The following SLC44A2 variants were observed in gnomAD, a reference collection of about 807,000 sequenced individuals.
The protein encoded by SLC44A2 is solute carrier family 44 member 2 (CTL2 blood group).
SLC44A2 carries 57 observed loss-of-function variants against 90.8 expected under a neutral mutation model. That is an observed-to-expected ratio of 0.63 (90% CI 0.51 to 0.78). The LOEUF (loss-of-function observed/expected upper bound fraction) is 0.78, where lower values mean the gene tolerates loss of function less well. Ranked by LOEUF, SLC44A2 falls within the 30% of genes least tolerant of loss-of-function variation. The pLI is 0.00. For missense variants in SLC44A2, 794 were observed against 919.7 expected, an observed-to-expected ratio of 0.86 and a Z score of 1.77; for synonymous variants, 355 against 360.7, an observed-to-expected ratio of 0.98 and a Z score of 0.18.
At chr19:10,634,677 GT>G in intron 10 of SLC44A2, 78 bp from the exon 11 acceptor site, 1 of 1,601,062 alleles carries the variant, frequency 6.2e-7, no homozygotes, top group Non-Finnish European at 8.6e-7. Context: ...GTTTGCTTCT[GT>G]TAAATGGGGG....
At chr19:10,642,949 G>A (rs770100315) in intron 21 of SLC44A2, 18 of 1,592,320 alleles carry the variant, frequency 1.1e-5, no homozygotes, top group Admixed American at 6.8e-5. Flanking sequence ...ACTTCATGTC[G>A]CCCGAGCTGA....
At chr19:10,602,477 C>T (rs1466412123), upstream of SLC44A2, 2 of 1,176,484 alleles carry the variant, frequency 1.7e-6, no homozygotes, top group Non-Finnish European at 2.1e-6. Context: ...GCCTCCCGCC[C>T]GCCCGGGCTG....
At chr19:10,629,421 G>C (rs905493379) in intron 4 of SLC44A2, among the ~76,000 whole-genome samples, 1 of 151,370 alleles carries the variant, frequency 6.6e-6, no homozygotes, top group African/African-American at 2.4e-5. Flanking sequence ...GGGATTACAG[G>C]CATATGCCAC....
chr19:10,642,766 T>C, intron 21 of SLC44A2: 1 of 1,196,778 alleles, frequency 8.4e-7, no homozygotes, highest in Non-Finnish European at 1.1e-6. Flanking sequence ...CATCTGTTTT[T>C]TTTGTTTGTT....
At chr19:10,606,061 T>A (rs1490970813) in intron 1 of SLC44A2, among the ~76,000 whole-genome samples, 1 of 150,234 alleles carries the variant, frequency 6.7e-6, no homozygotes, top group African/African-American at 2.5e-5. Flanking sequence ...ACTTTGGGAG[T>A]CCCAGGTGGG....
chr19:10,626,227 T>A (rs2066932334), intron 1 of SLC44A2, 26 bp from the exon 2 acceptor site: 4 of 1,603,176 alleles, frequency 2.5e-6, no homozygotes, highest in African/African-American at 2.7e-5. Flanking sequence ...TCCAATCCCA[T>A]CCATCTTAAT....
At chr19:10,603,883 T>C (rs903374579) in intron 1 of SLC44A2, among the ~76,000 whole-genome samples, 2 of 152,170 alleles carry the variant, frequency 1.3e-5, no homozygotes, top group African/African-American at 2.4e-5. Context: ...CTATGAAGTT[T>C]GGCTGGGACA....
chr19:10,638,820 A>C (rs904892025), intron 20 of SLC44A2, among the ~76,000 whole-genome samples: 2 of 140,406 alleles, frequency 1.4e-5, no homozygotes, highest in African/African-American at 5.4e-5. Flanking sequence ...TTTTTTTGAG[A>C]TGGAGTTTCA....
intron 16 of SLC44A2, 86 bp downstream of exon 16, chr19:10,636,842 G>A (rs2067061936): frequency 1.5e-6 from 2 of 1,372,734 alleles, no homozygotes; most frequent in Non-Finnish European, 2.0e-6. Context: ...TTGGAGGTGG[G>A]CGGGGCCAAG....
rs947446770 is a variant in SLC44A2, at chr19:10,638,401, T to C, written c.1929+86T>C. On this transcript the variant is annotated intron_variant, in intron 20 of 21. Transcript: ENST00000335757. The stretch of plus-strand genomic sequence containing the variant: ...TCTTCTTTGACTAGATAAATGTGGA[T>C]AGAGGTCAGAGGTGGGGAATTGATT... The C allele has an allele frequency of 4.8e-6, 6 of 1,249,534 alleles. No individual in the cohort carries two copies. The African/African-American group carries it at 7.4e-5, about 15-fold the overall frequency. The allele number at this position is 1,249,534 out of a possible 1,614,324, so 77.4% of individuals were successfully genotyped here.
At chr19:10,619,124 G>A (rs766576282) in intron 1 of SLC44A2, among the ~76,000 whole-genome samples, 1 of 151,538 alleles carries the variant, frequency 6.6e-6, no homozygotes, top group Non-Finnish European at 1.5e-5. Context: ...GGCACATCAT[G>A]CCCGGCTAGT....
chr19:10,614,226 C>A (rs1280608196), intron 1 of SLC44A2, among the ~76,000 whole-genome samples: 2 of 152,060 alleles, frequency 1.3e-5, no homozygotes, highest in South Asian at 4.1e-4. Context: ...CTCGGCCTCC[C>A]AAAGTGCAGG....
chr19:10,631,399 T>A lies in SLC44A2; in HGVS notation c.441+14T>A, dbSNP rs769599051. The A allele has an allele frequency of 5.6e-6, 9 of 1,613,982 alleles. No individual in the cohort carries two copies. Among genetic ancestry groups the A allele is most frequent in the African/African-American group, 1.3e-5 (1 of 74,944 alleles). ...AAGAACAATAAAGTGAGTTGTAGACTGTCCTGAGAGCACAGGTATGGGCAG... is the reference window on the plus strand; with the variant it reads ...AAGAACAATAAAGTGAGTTGTAGACAGTCCTGAGAGCACAGGTATGGGCAG... On this transcript the variant is annotated intron_variant, in intron 6 of 21. Coordinates refer to ENST00000335757, the MANE Select transcript of SLC44A2 (RefSeq NM_020428.4).
intron 21 of SLC44A2, chr19:10,643,073 C>A: frequency 6.8e-7 from 1 of 1,461,936 alleles, no homozygotes; most frequent in Non-Finnish European, 9.0e-7. Flanking sequence ...ACTGGGGGTG[C>A]ATGAAGCGGG....
At position 10,611,803 on chromosome 19, in the gene SLC44A2, C is replaced by T. The variant is rs1214900786; in HGVS notation, c.31+9242C>T. Among the ~76,000 whole-genome samples the T allele has an allele frequency of 2.0e-5, 3 of 152,078 alleles. No homozygotes were observed. The East Asian group carries it at 5.8e-4, about 29-fold the overall frequency. ...TGCCACTGCACTCCAACCTAGGTAA[C>T]AGAATGAGACCCCATCTCAAATATA... On this transcript the variant is annotated intron_variant, in intron 1 of 21. Coordinates refer to the SLC44A2 transcript ENST00000407327.
chr19:10,626,408 G>GA, intron 2 of SLC44A2, 107 bp downstream of exon 2: 1 of 906,874 alleles, frequency 1.1e-6, no homozygotes, highest in Non-Finnish European at 1.8e-6. Flanking sequence ...ACAAATATTT[G>GA]AAACTTTTTT....
intron 1 of SLC44A2, among the ~76,000 whole-genome samples, chr19:10,617,069 T>C (rs1022396419): frequency 1.3e-5 from 2 of 152,004 alleles, no homozygotes; most frequent in Admixed American, 6.6e-5. Context: ...CTACAGGCTC[T>C]CGCCACCACG....
chr19:10,625,934 CT>C lies in SLC44A2; in HGVS notation c.37+265del, dbSNP rs568066868. On this transcript the variant is annotated intron_variant, in intron 1 of 21. Coordinates refer to ENST00000335757, the MANE Select transcript of SLC44A2 (RefSeq NM_020428.4). ...CACTGCTGCCGGCGCCTCCTTCCCC[CT>C]ATCCCACCTCAGATCTTCCCCATCT... 5.4e-3 allele frequency among the ~76,000 whole-genome samples: 827 copies of C among 152,266 alleles called. 8 individuals carry two copies. Among genetic ancestry groups the C allele is most frequent in the African/African-American group, 0.019 (775 of 41,558 alleles).
At chr19:10,605,398 C>T (rs1308709980) in intron 1 of SLC44A2, among the ~76,000 whole-genome samples, 1 of 152,068 alleles carries the variant, frequency 6.6e-6, no homozygotes, top group Non-Finnish European at 1.5e-5. Context: ...CCTGTAATCC[C>T]AGCTACTCCA....
Sources: allele counts gnomAD v4.1 joint callset (sites outside exome capture counted in the v4.1 genomes callset), GRCh38; gene constraint gnomAD v4.1.1; transcripts MANE v1.5; gene names NCBI Gene and HGNC (gene_info 2026-07-23, HGNC 2026-07-21).